The following NCALD variants were observed in gnomAD, a reference collection of about 807,000 sequenced individuals.
The protein encoded by NCALD is neurocalcin-delta.
NCALD carries 10 observed loss-of-function variants against 18.6 expected under a neutral mutation model. That is an observed-to-expected ratio of 0.54 (90% CI 0.33 to 0.91). The LOEUF is 0.91. NCALD is among the 40% of genes least tolerant of loss of function. The pLI is 0.03. For missense variants in NCALD, 184 were observed against 247.6 expected (o/e 0.74, Z 1.72); for synonymous variants, 88 against 87.4 (o/e 1.01, Z -0.04).
intron 2 of NCALD, chr8:101,986,436 G>T (rs1012411085): frequency 1.3e-5 from 2 of 152,200 alleles, no homozygotes; most frequent in Non-Finnish European, 2.9e-5. Flanking sequence ...TCTGATTCAC[G>T]TCAAGCCATA....
chr8:101,993,626 T>A (rs1456238280), intron 2 of NCALD, among the ~76,000 whole-genome samples: 1 of 152,142 alleles, frequency 6.6e-6, no homozygotes, highest in African/African-American at 2.4e-5. Flanking sequence ...ACAAGTTCCC[T>A]CCTCTTGGTC....
intron 4 of NCALD, among the ~76,000 whole-genome samples, chr8:101,854,616 T>C (rs1440257): frequency 0.016 from 2,383 of 152,262 alleles, 72 homozygotes; most frequent in African/African-American, 0.052. Context: ...TGATCAATAG[T>C]TTATTTAAGT....
intron 2 of NCALD, among the ~76,000 whole-genome samples, chr8:101,960,481 A>C (rs188923449): frequency 1.8e-4 from 27 of 152,310 alleles, no homozygotes; most frequent in Admixed American, 1.5e-3. Context: ...AAGTAGGAAT[A>C]GTGTGGCTAG....
intron 2 of NCALD, among the ~76,000 whole-genome samples, chr8:101,990,030 G>T (rs939947100): frequency 6.6e-6 from 1 of 152,122 alleles, no homozygotes; most frequent in African/African-American, 2.4e-5. Context: ...TTGAGAGCCT[G>T]CATGATCTTG....
At chr8:101,973,124 A>T (rs1820302240) in intron 2 of NCALD, among the ~76,000 whole-genome samples, 2 of 152,126 alleles carry the variant, frequency 1.3e-5, no homozygotes, top group Non-Finnish European at 2.9e-5. Flanking sequence ...AAGGGGGAAA[A>T]TTTGCAGAAA....
chr8:101,825,926 C>T (rs937807359), intron 4 of NCALD, among the ~76,000 whole-genome samples: 4 of 152,212 alleles, frequency 2.6e-5, no homozygotes, highest in Non-Finnish European at 5.9e-5. Flanking sequence ...ATTTCGCCCA[C>T]AGGCCATAGT....
intron 3 of NCALD, among the ~76,000 whole-genome samples, chr8:101,901,701 T>G (rs1817430011): frequency 6.6e-6 from 1 of 152,204 alleles, no homozygotes; most frequent in Non-Finnish European, 1.5e-5. Context: ...TGTTATTTTT[T>G]GCTTTAACCA....
At chr8:101,779,096 C>T (rs778198031) in intron 1 of NCALD, among the ~76,000 whole-genome samples, 42 of 152,000 alleles carry the variant, frequency 2.8e-4, no homozygotes, top group Non-Finnish European at 4.6e-4. Flanking sequence ...AGTAATTTGG[C>T]GTCTATTTTT....
intron 1 of NCALD, among the ~76,000 whole-genome samples, chr8:101,740,391 A>G (rs1810135185): frequency 6.6e-6 from 1 of 152,236 alleles, no homozygotes; most frequent in Non-Finnish European, 1.5e-5. Flanking sequence ...TTATCCCAAT[A>G]TTAACAAAGT....
intron 1 of NCALD, among the ~76,000 whole-genome samples, chr8:102,027,779 A>G (rs1220261147): frequency 6.6e-6 from 1 of 152,196 alleles, no homozygotes; most frequent in East Asian, 1.9e-4. Context: ...AGGGCTGGGG[A>G]GGACTCAGGA....
chr8:101,692,162 T>C, intron 3 of NCALD: 6 of 985,386 alleles, frequency 6.1e-6, no homozygotes, highest in Non-Finnish European at 7.2e-6. Flanking sequence ...AGATCTAAAA[T>C]CCTTCTGTTC....
At chr8:101,955,680 A>G (rs1412806639) in intron 2 of NCALD, among the ~76,000 whole-genome samples, 2 of 152,248 alleles carry the variant, frequency 1.3e-5, no homozygotes, top group Non-Finnish European at 2.9e-5. Flanking sequence ...TTTCGGTTTA[A>G]TTAAATACAA....
chr8:101,817,023 CA>C (rs1395978533), intron 4 of NCALD, among the ~76,000 whole-genome samples: 15 of 152,114 alleles, frequency 9.9e-5, no homozygotes, highest in African/African-American at 3.6e-4. Context: ...GCTTGCCCTT[CA>C]GAGTGTTTCT....
In NCALD at chr8:102,028,525, C is replaced by G. The variant is rs145951316; in HGVS notation, c.-209-8236G>C. 1.3e-3 allele frequency among the ~76,000 whole-genome samples: 191 copies of G among 152,304 alleles called. 2 individuals carry two copies. In the East Asian group the frequency reaches 0.027, roughly 21 times the overall value. ...TGTTGGAAAGGATTGTTTATCAAAC[C>G]CTTGGGGAACCCAACCTTCTGATGG... is the stretch of plus-strand genomic sequence containing the variant. On this transcript the variant is annotated intron_variant, in intron 1 of 6. Coordinates refer to the NCALD transcript ENST00000311028.
At chr8:101,830,500 G>A (rs1814132550) in intron 4 of NCALD, among the ~76,000 whole-genome samples, 4 of 151,386 alleles carry the variant, frequency 2.6e-5, no homozygotes, top group South Asian at 2.1e-4. Context: ...GGCAGAGGCT[G>A]CACGCACCAC....
At chr8:101,888,834 T>C (rs1224124192) in intron 3 of NCALD, among the ~76,000 whole-genome samples, 1 of 152,204 alleles carries the variant, frequency 6.6e-6, no homozygotes, top group Non-Finnish European at 1.5e-5. Flanking sequence ...TCTTCTATTT[T>C]GTCATGAAAA....
At chr8:101,840,823 T>G (rs16868515) in intron 4 of NCALD, among the ~76,000 whole-genome samples, 9,168 of 152,274 alleles carry the variant, frequency 0.06, 535 homozygotes, top group African/African-American at 0.15. Context: ...CATTTATTAC[T>G]TATGGCAAAA....
At chr8:102,100,094 C>T (rs1204998318) in intron 1 of NCALD, among the ~76,000 whole-genome samples, 1 of 151,858 alleles carries the variant, frequency 6.6e-6, no homozygotes, top group Non-Finnish European at 1.5e-5. Flanking sequence ...AAAAATCACA[C>T]TTTTCCTAGC....
upstream of NCALD, chr8:102,124,500 C>CA: frequency 1.1e-5 from 1 of 88,444 alleles, no homozygotes; most frequent in African/African-American, 3.7e-5. Flanking sequence ...GTGGACGCCC[C>CA]CCCCCTCCCC....
Sources: gnomAD v4.1 joint callset for allele counts (sites outside exome capture counted in the v4.1 genomes callset) on GRCh38, gnomAD v4.1.1 for gene constraint, MANE v1.5 for transcripts, NCBI Gene and HGNC (gene_info 2026-07-23, HGNC 2026-07-21) for gene names.